CSMD1: variants seen among roughly 807,000 people sequenced by gnomAD.
CSMD1 encodes CUB and sushi domain-containing protein 1.
A neutral mutation model predicts 417.5 loss-of-function variants in CSMD1; 213 were observed. The ratio of observed to expected loss-of-function variants is 0.51; its 90% CI spans 0.46 to 0.57. The LOEUF is 0.57. Ranked by LOEUF, CSMD1 falls within the 20% of genes least tolerant of loss-of-function variation. The probability of loss-of-function intolerance (pLI) is 0.00; values close to 1 mark genes in which losing one functional copy is unlikely to be tolerated. For missense variants in CSMD1, 6,923 were observed against 4,529.7 expected (o/e 1.53, Z -15.17); for synonymous variants, 2,862 against 1,736.8 (o/e 1.65, Z -16.11).
rs1804748742 is a variant in CSMD1, at chr8:2,974,494, G to A, written c.8697C>T (p.Cys2899=). Residue 2899 remains cysteine (C), a synonymous_variant, in exon 56 of 70, where the codon TGC becomes TGT. Transcript: ENST00000635120. ...CCCCGCTCCAGTGACTGTCTTCCTG[G>A]CACACTCTCGTGTCGTTGCCTATGA... ...ESLIGNDTRV[C]QEDSHWSGAL... is the part of the protein sequence containing the mutation. The A allele has an allele frequency of 1.9e-6, 3 of 1,612,930 alleles. No individual in the cohort carries two copies. The highest frequency in any genetic ancestry group is 2.5e-6 in the Non-Finnish European group (3 of 1,179,224).
chr8:3,444,094 C>G (rs907075922), intron 12 of CSMD1, among the ~76,000 whole-genome samples: 5 of 152,152 alleles, frequency 3.3e-5, no homozygotes, highest in African/African-American at 1.2e-4. Flanking sequence ...CACATACACA[C>G]TCACTCCCTA....
chr8:3,758,831 G>A (rs1298161854), intron 5 of CSMD1, among the ~76,000 whole-genome samples: 11 of 152,252 alleles, frequency 7.2e-5, no homozygotes, highest in African/African-American at 2.6e-4. Context: ...AGCTTGGGAT[G>A]GGGAGATTAT....
chr8:3,524,358 G>A (rs1797662265), intron 10 of CSMD1, among the ~76,000 whole-genome samples: 1 of 137,092 alleles, frequency 7.3e-6, no homozygotes, highest in Non-Finnish European at 1.6e-5. Flanking sequence ...CAGAAAGACA[G>A]GCGCACACAA....
At chr8:4,869,767 A>C (rs1268504587) in intron 1 of CSMD1, among the ~76,000 whole-genome samples, 1 of 152,074 alleles carries the variant, frequency 6.6e-6, no homozygotes, top group Non-Finnish European at 1.5e-5. Context: ...AAAAGCAAAC[A>C]CATTCTACTT....
intron 3 of CSMD1, among the ~76,000 whole-genome samples, chr8:4,077,843 G>C (rs947167345): frequency 2.0e-5 from 3 of 152,066 alleles, no homozygotes; most frequent in African/African-American, 7.2e-5. Context: ...ACCAAATTGA[G>C]CCTAAATATG....
chr8:3,734,334 G>C (rs1467245124), intron 6 of CSMD1, among the ~76,000 whole-genome samples: 1 of 152,182 alleles, frequency 6.6e-6, no homozygotes, highest in Non-Finnish European at 1.5e-5. Flanking sequence ...ATAGCCAAGA[G>C]ACTGATGAGG....
intron 2 of CSMD1, among the ~76,000 whole-genome samples, chr8:4,600,092 G>C (rs952482226): frequency 6.6e-6 from 1 of 152,184 alleles, no homozygotes; most frequent in Admixed American, 6.5e-5. Flanking sequence ...GTTAGGACTA[G>C]AGGGTGGCAG....
At chr8:3,779,219 C>G (rs986616825) in intron 5 of CSMD1, among the ~76,000 whole-genome samples, 1 of 151,658 alleles carries the variant, frequency 6.6e-6, no homozygotes, top group East Asian at 1.9e-4. Flanking sequence ...TAAGACAGAA[C>G]TCACTGTATG....
chr8:3,117,133 C>T (rs1461609457), intron 42 of CSMD1, among the ~76,000 whole-genome samples: 2 of 152,102 alleles, frequency 1.3e-5, no homozygotes, highest in African/African-American at 4.8e-5. Context: ...GGCAGTGGCA[C>T]GATCTCAGGG....
At chr8:3,295,929 C>A (rs150295334) in intron 25 of CSMD1, among the ~76,000 whole-genome samples, 1 of 152,182 alleles carries the variant, frequency 6.6e-6, no homozygotes, top group African/African-American at 2.4e-5. Flanking sequence ...CCTCGAGGAA[C>A]TTTGCATACA....
intron 3 of CSMD1, among the ~76,000 whole-genome samples, chr8:4,159,659 G>A (rs189729717): frequency 2.0e-5 from 3 of 152,088 alleles, no homozygotes; most frequent in Non-Finnish European, 4.4e-5. Context: ...CGCGATCTCG[G>A]CTCACTGCAA....
At chr8:4,671,071 G>A (rs1805292416) in intron 1 of CSMD1, among the ~76,000 whole-genome samples, 1 of 152,176 alleles carries the variant, frequency 6.6e-6, no homozygotes, top group Admixed American at 6.5e-5. Context: ...ATATTACAAA[G>A]CAGAACCCTG....
intron 5 of CSMD1, among the ~76,000 whole-genome samples, chr8:3,855,611 C>G (rs1371726453): frequency 6.6e-6 from 1 of 152,098 alleles, no homozygotes; most frequent in Non-Finnish European, 1.5e-5. Context: ...ACTGAGTATG[C>G]TAATTCCTAT....
intron 2 of CSMD1, among the ~76,000 whole-genome samples, chr8:4,422,816 C>A (rs192415051): frequency 6.6e-6 from 1 of 151,890 alleles, no homozygotes; most frequent in Non-Finnish European, 1.5e-5. Flanking sequence ...AGGCAAGATA[C>A]GAATTATACA....
chr8:3,679,919 T>C (rs936687326), intron 7 of CSMD1, among the ~76,000 whole-genome samples: 9 of 151,968 alleles, frequency 5.9e-5, no homozygotes, highest in African/African-American at 1.9e-4. Context: ...ACTGAACAAC[T>C]TGCTCCTGAA....
At chr8:3,954,200 G>A (rs1489213358) in intron 5 of CSMD1, among the ~76,000 whole-genome samples, 1 of 152,154 alleles carries the variant, frequency 6.6e-6, no homozygotes, top group South Asian at 2.1e-4. Flanking sequence ...ATTTGACTGA[G>A]GGGCATAAAG....
At chr8:3,931,394 T>G (rs977840996) in intron 5 of CSMD1, among the ~76,000 whole-genome samples, 1 of 150,680 alleles carries the variant, frequency 6.6e-6, no homozygotes, top group Non-Finnish European at 1.5e-5. Context: ...TCACATTCAT[T>G]CTTTTACCCA....
At chr8:4,081,367 A>G (rs1178896270) in intron 3 of CSMD1, among the ~76,000 whole-genome samples, 1 of 152,184 alleles carries the variant, frequency 6.6e-6, no homozygotes, top group Non-Finnish European at 1.5e-5. Context: ...TGTGAATTAC[A>G]AACTGTGATT....
At chr8:4,673,260 T>G (rs1394346653) in intron 1 of CSMD1, among the ~76,000 whole-genome samples, 1 of 152,218 alleles carries the variant, frequency 6.6e-6, no homozygotes, top group South Asian at 2.1e-4. Flanking sequence ...GAGTCCCTTA[T>G]GAATTCTCAT....
Sources: allele counts gnomAD v4.1 joint callset (sites outside exome capture counted in the v4.1 genomes callset), GRCh38; gene constraint gnomAD v4.1.1; transcripts MANE v1.5; gene names NCBI Gene and HGNC (gene_info 2026-07-23, HGNC 2026-07-21).